The following LIN7A variants were observed in gnomAD, a reference collection of about 807,000 sequenced individuals.
LIN7A encodes protein lin-7 homolog A.
Under a neutral mutation model 29.8 loss-of-function variants are expected in LIN7A, and 25 were observed. That is an observed-to-expected ratio of 0.84 (90% CI 0.61 to 1.17). LIN7A has a LOEUF of 1.17. Among genes scored for constraint, LIN7A ranks in the 50% most tolerant of loss-of-function variants. The probability of loss-of-function intolerance (pLI) is 0.00; values close to 1 mark genes in which losing one functional copy is unlikely to be tolerated. For missense variants in LIN7A, 239 were observed against 287.0 expected (o/e 0.83, Z 1.21); for synonymous variants, 118 against 107.5 (o/e 1.10, Z -0.60).
chr12:80,852,203 C>T (rs1242220152), intron 2 of LIN7A, among the ~76,000 whole-genome samples: 14 of 151,634 alleles, frequency 9.2e-5, no homozygotes, highest in Non-Finnish European at 1.5e-4. Flanking sequence ...ATACTTTTTC[C>T]GGATGGAAAT....
chr12:80,911,353 A>C (rs1456063992), intron 1 of LIN7A, among the ~76,000 whole-genome samples: 6 of 149,362 alleles, frequency 4.0e-5, no homozygotes, highest in African/African-American at 1.5e-4. Flanking sequence ...TAGGCTAAAG[A>C]GATCCTCCCA....
chr12:80,926,552 A>G (rs1877591364), intron 1 of LIN7A, among the ~76,000 whole-genome samples: 1 of 152,138 alleles, frequency 6.6e-6, no homozygotes, highest in Non-Finnish European at 1.5e-5. Context: ...TTACTTTGAC[A>G]GTTTCTATTT....
In LIN7A at chr12:80,845,742, T is replaced by C; in HGVS notation, c.471A>G (p.Ser157=). 1 of 1,613,186 alleles carries C rather than the reference T, an allele frequency of 6.2e-7. No individual in the cohort carries two copies. Among genetic ancestry groups the C allele is most frequent in the Non-Finnish European group, 8.5e-7 (1 of 1,179,578 alleles). The change falls in exon 4 of 6, where the codon TCA becomes TCG. Residue 157 remains serine (S), a synonymous_variant. Coordinates refer to ENST00000552864, the MANE Select transcript of LIN7A (RefSeq NM_004664.4). Reference sequence around the variant, plus strand: ...TTTATAAACATACCACTCCGTTCACTGATAGCAGCTGGTCTCCTCTTTTGA... The same window carrying C: ...TTTATAAACATACCACTCCGTTCACCGATAGCAGCTGGTCTCCTCTTTTGA... The part of the protein sequence containing the change: ...GGLKRGDQLL[S]VNGVSVEGEH...
chr12:80,920,508 C>T (rs1565929697), intron 1 of LIN7A, among the ~76,000 whole-genome samples: 1 of 152,112 alleles, frequency 6.6e-6, no homozygotes, highest in Non-Finnish European at 1.5e-5. Context: ...GATATATACT[C>T]TAAACCCTAG....
At chr12:80,827,992 T>A (rs1328208539) in intron 4 of LIN7A, among the ~76,000 whole-genome samples, 1 of 152,116 alleles carries the variant, frequency 6.6e-6, no homozygotes, top group Non-Finnish European at 1.5e-5. Flanking sequence ...CACATAAAGT[T>A]CTCAGCTACG....
chr12:80,824,054 A>C (rs544511395), intron 4 of LIN7A, among the ~76,000 whole-genome samples: 2 of 152,216 alleles, frequency 1.3e-5, no homozygotes, highest in Non-Finnish European at 2.9e-5. Flanking sequence ...ATGAAACAAA[A>C]AATACAAAAG....
At position 80,882,098 on chromosome 12, in the gene LIN7A, A is replaced by C. The variant is rs1326218151; in HGVS notation, c.201+7153T>G. On this transcript the variant is annotated intron_variant, in intron 2 of 5. Transcript: ENST00000552864. ...TCTATCTGAAAATTTGGAGCCATCC[A>C]TTTAAAAATATTGCATTTTTTGAAT... is the stretch of plus-strand genomic sequence containing the variant. 2.0e-5 allele frequency among the ~76,000 whole-genome samples: 3 copies of C among 152,208 alleles called. No individual in the cohort carries two copies. The East Asian group carries it at 5.8e-4, about 29-fold the overall frequency.
intron 1 of LIN7A, among the ~76,000 whole-genome samples, chr12:80,899,354 T>G (rs917604978): frequency 1.3e-5 from 2 of 152,196 alleles, no homozygotes; most frequent in African/African-American, 4.8e-5. Context: ...ATGGATTAAC[T>G]TTTTGATGTG....
chr12:80,853,976 G>A (rs1873464446), intron 2 of LIN7A, among the ~76,000 whole-genome samples: 1 of 152,168 alleles, frequency 6.6e-6, no homozygotes, highest in Non-Finnish European at 1.5e-5. Context: ...TTACAGGCAT[G>A]AGCCACTGTG....
At chr12:80,870,002 G>A (rs190986794) in intron 2 of LIN7A, among the ~76,000 whole-genome samples, 41 of 152,264 alleles carry the variant, frequency 2.7e-4, no homozygotes, top group Non-Finnish European at 4.0e-4. Flanking sequence ...CATGACATAC[G>A]AGGAAAGTTA....
intron 4 of LIN7A, among the ~76,000 whole-genome samples, chr12:80,834,916 C>T (rs1319081511): frequency 6.6e-6 from 1 of 152,180 alleles, no homozygotes; most frequent in East Asian, 1.9e-4. Flanking sequence ...TAGGCTAGTG[C>T]CAACAGTCTG....
intron 5 of LIN7A, among the ~76,000 whole-genome samples, chr12:80,810,798 T>C (rs765936281): frequency 3.3e-5 from 5 of 152,188 alleles, no homozygotes; most frequent in Non-Finnish European, 5.9e-5. Flanking sequence ...AGGTATGAGG[T>C]GATATCTCAT....
At chr12:80,921,655 C>T (rs1043295973) in intron 1 of LIN7A, among the ~76,000 whole-genome samples, 1 of 151,984 alleles carries the variant, frequency 6.6e-6, no homozygotes, top group Non-Finnish European at 1.5e-5. Flanking sequence ...AACCTAATTA[C>T]CTCCTAAAAG....
At chr12:80,859,302 G>A (rs972059343) in intron 2 of LIN7A, among the ~76,000 whole-genome samples, 3 of 152,160 alleles carry the variant, frequency 2.0e-5, no homozygotes, top group Non-Finnish European at 4.4e-5. Flanking sequence ...AAGATAGGAA[G>A]AGGTCCAGTT....
At chr12:80,825,377 T>C (rs1872014024) in intron 4 of LIN7A, among the ~76,000 whole-genome samples, 1 of 152,194 alleles carries the variant, frequency 6.6e-6, no homozygotes, top group African/African-American at 2.4e-5. Context: ...TACAGCCTGG[T>C]TTAAAATGTG....
intron 4 of LIN7A, among the ~76,000 whole-genome samples, chr12:80,843,984 A>G (rs529535763): frequency 3.3e-4 from 50 of 151,706 alleles, no homozygotes; most frequent in African/African-American, 1.2e-3. Context: ...TATTATATAT[A>G]TATATATTCT....
chr12:80,888,498 A>G (rs138912182), intron 2 of LIN7A, among the ~76,000 whole-genome samples: 154 of 152,290 alleles, frequency 1.0e-3, no homozygotes, highest in African/African-American at 3.5e-3. Flanking sequence ...GGAGGGAATA[A>G]CAGGAGGTAA....
chr12:80,906,466 T>A (rs998652726), intron 1 of LIN7A, among the ~76,000 whole-genome samples: 2 of 152,078 alleles, frequency 1.3e-5, no homozygotes, highest in African/African-American at 4.8e-5. Context: ...CCTGTTGTCT[T>A]TGAGTTTATG....
At chr12:80,865,046 C>T (rs1222923275) in intron 2 of LIN7A, among the ~76,000 whole-genome samples, 1 of 152,154 alleles carries the variant, frequency 6.6e-6, no homozygotes, top group East Asian at 1.9e-4. Context: ...TCACATTGCT[C>T]ATTCATTTTT....
Sources: gnomAD v4.1 joint callset for allele counts (sites outside exome capture counted in the v4.1 genomes callset) on GRCh38, gnomAD v4.1.1 for gene constraint, MANE v1.5 for transcripts, NCBI Gene and HGNC (gene_info 2026-07-23, HGNC 2026-07-21) for gene names.